Variants in GALNT17 observed in about 807,000 individuals in gnomAD.
GALNT17 encodes UDP-GalNAc:polypeptide N-acetylgalactosaminyltransferase-like 3.
Under a neutral mutation model 63.7 loss-of-function variants are expected in GALNT17, and 29 were observed. The observed-to-expected ratio is 0.46, with a 90% CI of 0.34 to 0.62. GALNT17 has a LOEUF of 0.62. Ranked by LOEUF, GALNT17 falls within the 20% of genes least tolerant of loss-of-function variation. The pLI, the probability that GALNT17 is intolerant of heterozygous loss-of-function variation, is 0.01. For missense variants in GALNT17, 603 were observed against 799.6 expected (o/e 0.75, Z 2.97); for synonymous variants, 305 against 318.3 (o/e 0.96, Z 0.45).
At position 71,280,330 on chromosome 7, in the gene GALNT17, T is replaced by C. The variant is rs768473887; in HGVS notation, c.239-55220T>C. On this transcript the variant is annotated intron_variant, in intron 1 of 10. Coordinates refer to ENST00000333538, the MANE Select transcript of GALNT17 (RefSeq NM_022479.3). ...GTCCCCATCTGACTGCGTTGGAAAC[T>C]GAGGCTTCAAGAAGTGCTAAGGAGC... Among the ~76,000 whole-genome samples, 15 of 152,220 alleles carry C rather than the reference T, an allele frequency of 9.9e-5. 1 individual carries two copies. The highest frequency in any genetic ancestry group is 1.6e-4 in the Non-Finnish European group (11 of 68,048).
chr7:71,488,889 C>CTTTT (rs369124996), intron 5 of GALNT17, among the ~76,000 whole-genome samples: 1,196 of 54,610 alleles, frequency 0.022, 65 homozygotes, highest in East Asian at 0.07. Context: ...GCCAGGTTTC[C>CTTTT]TTTTTTTTTT....
intron 6 of GALNT17, among the ~76,000 whole-genome samples, chr7:71,650,652 T>C (rs1203553640): frequency 6.6e-6 from 1 of 152,224 alleles, no homozygotes; most frequent in Non-Finnish European, 1.5e-5. Context: ...TAATTCACTA[T>C]TCTTTTATAG....
intron 8 of GALNT17, among the ~76,000 whole-genome samples, chr7:71,676,270 T>G (rs75398457): frequency 0.023 from 3,462 of 152,254 alleles, 130 homozygotes; most frequent in African/African-American, 0.077. Flanking sequence ...GTGGGTGCAT[T>G]CCAAACACCA....
chr7:71,144,074 TG>T (rs1463528793), intron 1 of GALNT17, among the ~76,000 whole-genome samples: 1 of 152,158 alleles, frequency 6.6e-6, no homozygotes, highest in East Asian at 1.9e-4. Context: ...TTGCTGCATT[TG>T]GAAAATCTGG....
intron 1 of GALNT17, among the ~76,000 whole-genome samples, chr7:71,259,563 A>G (rs1790344908): frequency 6.6e-6 from 1 of 151,988 alleles, no homozygotes; most frequent in African/African-American, 2.4e-5. Flanking sequence ...TCACATATTA[A>G]GAGAGGGGAC....
intron 2 of GALNT17, 98 bp downstream of exon 2, chr7:71,335,831 TG>T: frequency 9.0e-7 from 1 of 1,106,468 alleles, no homozygotes; most frequent in Non-Finnish European, 1.2e-6. Context: ...TTGTAACTCT[TG>T]GGGGAGTTTT....
At chr7:71,461,743 G>A (rs1787453788) in intron 5 of GALNT17, among the ~76,000 whole-genome samples, 1 of 152,198 alleles carries the variant, frequency 6.6e-6, no homozygotes, top group African/African-American at 2.4e-5. Flanking sequence ...GGGGCTGCCA[G>A]GCGGGTCCTC....
chr7:71,610,282 G>A (rs1790106396), intron 6 of GALNT17, among the ~76,000 whole-genome samples: 3 of 152,124 alleles, frequency 2.0e-5, no homozygotes. Context: ...CTTGAGGTCA[G>A]GAGTTTGAGA....
At chr7:71,577,132 G>A (rs1038552861) in intron 6 of GALNT17, among the ~76,000 whole-genome samples, 2 of 152,186 alleles carry the variant, frequency 1.3e-5, no homozygotes, top group African/African-American at 4.8e-5. Flanking sequence ...AATACCACAT[G>A]TTCTCACTTA....
intron 1 of GALNT17, among the ~76,000 whole-genome samples, chr7:71,160,399 G>GT (rs1352938087): frequency 6.6e-6 from 1 of 152,142 alleles, no homozygotes; most frequent in African/African-American, 2.4e-5. Flanking sequence ...ACATTCTCAT[G>GT]TTGCTATAGG....
At chr7:71,389,483 A>G (rs1245856553) in intron 3 of GALNT17, among the ~76,000 whole-genome samples, 2 of 152,112 alleles carry the variant, frequency 1.3e-5, no homozygotes, top group Non-Finnish European at 2.9e-5. Context: ...CTAAGGTGGA[A>G]TAGTTTCATC....
intron 6 of GALNT17, among the ~76,000 whole-genome samples, chr7:71,601,065 T>C (rs1789959936): frequency 6.6e-6 from 1 of 152,078 alleles, no homozygotes; most frequent in African/African-American, 2.4e-5. Context: ...TCCAATCTCA[T>C]CCAGCTCACT....
intron 5 of GALNT17, among the ~76,000 whole-genome samples, chr7:71,525,666 G>A (rs1224568212): frequency 6.7e-6 from 1 of 148,538 alleles, no homozygotes; most frequent in Admixed American, 6.7e-5. Flanking sequence ...ATGTGGAACT[G>A]TGAGTCCATT....
intron 5 of GALNT17, among the ~76,000 whole-genome samples, chr7:71,506,400 G>A (rs1788269814): frequency 6.6e-6 from 1 of 152,010 alleles, no homozygotes; most frequent in Non-Finnish European, 1.5e-5. Context: ...CCGAGTAGCT[G>A]GGATTACAGG....
intron 3 of GALNT17, among the ~76,000 whole-genome samples, chr7:71,401,946 T>G (rs1397019024): frequency 6.6e-6 from 1 of 152,220 alleles, no homozygotes; most frequent in Non-Finnish European, 1.5e-5. Flanking sequence ...AAAATGGTCT[T>G]CCACCAAAGT....
intron 1 of GALNT17, among the ~76,000 whole-genome samples, chr7:71,167,391 C>A (rs917212690): frequency 3.3e-5 from 5 of 152,180 alleles, no homozygotes; most frequent in Non-Finnish European, 5.9e-5. Flanking sequence ...ATTTGTATAG[C>A]TTCTTCAGGA....
intron 3 of GALNT17, among the ~76,000 whole-genome samples, chr7:71,391,370 C>A (rs1179044125): frequency 6.6e-6 from 1 of 152,130 alleles, no homozygotes; most frequent in African/African-American, 2.4e-5. Flanking sequence ...GCTCCTTGAC[C>A]GCAGGGATCT....
intron 1 of GALNT17, among the ~76,000 whole-genome samples, chr7:71,274,436 C>A (rs1047299664): frequency 1.3e-5 from 2 of 152,044 alleles, no homozygotes; most frequent in African/African-American, 4.8e-5. Context: ...TGCGCCACCA[C>A]ACCTGGCCAA....
At chr7:71,146,871 A>G (rs1788033401) in intron 1 of GALNT17, among the ~76,000 whole-genome samples, 1 of 152,182 alleles carries the variant, frequency 6.6e-6, no homozygotes, top group African/African-American at 2.4e-5. Context: ...AGACACCAAC[A>G]CACGAGCGTG....
Sources: allele counts gnomAD v4.1 joint callset (sites outside exome capture counted in the v4.1 genomes callset), GRCh38; gene constraint gnomAD v4.1.1; transcripts MANE v1.5; gene names NCBI Gene and HGNC (gene_info 2026-07-23, HGNC 2026-07-21).